KPNA4: variants seen among roughly 807,000 people sequenced by gnomAD.
KPNA4 encodes the protein importin subunit alpha-3.
Under a neutral mutation model 71.3 loss-of-function variants are expected in KPNA4, and 13 were observed. The observed-to-expected ratio is 0.18, with a 90% CI of 0.12 to 0.29. The LOEUF is 0.29. Among genes scored for constraint, KPNA4 ranks in the 10% least tolerant of loss-of-function variants. The pLI, the probability that KPNA4 is intolerant of heterozygous loss-of-function variation, is 1.00. For missense variants in KPNA4, 334 were observed against 603.2 expected, an observed-to-expected ratio of 0.55 and a Z score of 4.67; for synonymous variants, 189 against 195.2, an observed-to-expected ratio of 0.97 and a Z score of 0.26.
chr3:160,557,697 G>A (rs1308250990), intron 1 of KPNA4, among the ~76,000 whole-genome samples: 2 of 152,130 alleles, frequency 1.3e-5, no homozygotes, highest in East Asian at 3.9e-4. Context: ...TATCTGAGAT[G>A]AGACCTCATT....
chr3:160,534,793 T>C (rs1721652444), intron 5 of KPNA4, among the ~76,000 whole-genome samples: 1 of 148,552 alleles, frequency 6.7e-6, no homozygotes, highest in Non-Finnish European at 1.5e-5. Flanking sequence ...GTGTATGCAG[T>C]CATTAATCTC....
At chr3:160,551,234 C>T (rs1722034865) in intron 1 of KPNA4, among the ~76,000 whole-genome samples, 1 of 152,198 alleles carries the variant, frequency 6.6e-6, no homozygotes, top group South Asian at 2.1e-4. Context: ...TTATCCATTT[C>T]ATCTAGGTTA....
chr3:160,536,875 C>A, intron 1 of KPNA4, 35 bp from the exon 2 acceptor site: 1 of 1,259,738 alleles, frequency 7.9e-7, no homozygotes, highest in South Asian at 1.2e-5. Context: ...TTTTTAAAAT[C>A]ACCTCAAATT....
chr3:160,539,067 A>C (rs1239187179), intron 1 of KPNA4, among the ~76,000 whole-genome samples: 2 of 152,026 alleles, frequency 1.3e-5, no homozygotes, highest in African/African-American at 2.4e-5. Context: ...CTATTTCCTC[A>C]GTTTGGAATG....
intron 1 of KPNA4, among the ~76,000 whole-genome samples, chr3:160,559,237 A>G (rs1424677822): frequency 6.6e-6 from 1 of 152,210 alleles, no homozygotes; most frequent in Non-Finnish European, 1.5e-5. Flanking sequence ...TGCTAATGAT[A>G]AAATTTCAGC....
intron 1 of KPNA4, among the ~76,000 whole-genome samples, chr3:160,551,838 G>A (rs1031289505): frequency 2.7e-5 from 4 of 149,966 alleles, no homozygotes; most frequent in Non-Finnish European, 5.9e-5. Context: ...GTTCTGGGAA[G>A]TTTACTGAAG....
intron 1 of KPNA4, among the ~76,000 whole-genome samples, chr3:160,546,804 T>TA (rs977082878): frequency 2.0e-5 from 3 of 152,168 alleles, no homozygotes; most frequent in African/African-American, 7.2e-5. Flanking sequence ...ACTCAAGACT[T>TA]AGAGCTTCTA....
At chr3:160,542,726 A>G (rs890174613) in intron 1 of KPNA4, among the ~76,000 whole-genome samples, 6 of 152,128 alleles carry the variant, frequency 3.9e-5, no homozygotes, top group Non-Finnish European at 5.9e-5. Flanking sequence ...TATCTCTTTA[A>G]GAAGTGATAA....
At chr3:160,538,542 G>C (rs538190501) in intron 1 of KPNA4, among the ~76,000 whole-genome samples, 1 of 152,126 alleles carries the variant, frequency 6.6e-6, no homozygotes. Flanking sequence ...AAAGGTCCAA[G>C]GAATCAGTAA....
At chr3:160,524,817 T>A (rs771265271) in intron 10 of KPNA4, among the ~76,000 whole-genome samples, 1 of 152,262 alleles carries the variant, frequency 6.6e-6, no homozygotes, top group South Asian at 2.1e-4. Flanking sequence ...ATGAATTTTA[T>A]ATATTATGTC....
At chr3:160,536,696 C>G (rs41272965) in intron 2 of KPNA4, 100 bp downstream of exon 2, 1 of 619,876 alleles carries the variant, frequency 1.6e-6, no homozygotes, top group Non-Finnish European at 2.7e-6. Flanking sequence ...ATAGGTTATA[C>G]ATTTTACCTA....
intron 1 of KPNA4, among the ~76,000 whole-genome samples, chr3:160,557,669 C>T (rs979847875): frequency 6.6e-6 from 1 of 152,042 alleles, no homozygotes; most frequent in African/African-American, 2.4e-5. Context: ...AATAAGTCAG[C>T]ATTTAAAAAT....
chr3:160,554,728 T>C (rs1722103762), intron 1 of KPNA4, among the ~76,000 whole-genome samples: 1 of 152,226 alleles, frequency 6.6e-6, no homozygotes. Flanking sequence ...CAATCATGCC[T>C]ACATTATGAA....
intron 1 of KPNA4, among the ~76,000 whole-genome samples, chr3:160,563,282 T>A (rs1229790700): frequency 6.6e-6 from 1 of 152,190 alleles, no homozygotes; most frequent in East Asian, 1.9e-4. Context: ...AAGAAGCCAG[T>A]TAAAAAAGAG....
chr3:160,530,969 A>G (rs1721563637), intron 6 of KPNA4, 29 bp from the exon 7 acceptor site: 2 of 1,518,834 alleles, frequency 1.3e-6, no homozygotes, highest in Non-Finnish European at 1.8e-6. Context: ...ATTTTTAAAC[A>G]GCAGGGATTT....
intron 10 of KPNA4, among the ~76,000 whole-genome samples, chr3:160,522,994 T>C (rs913077171): frequency 1.3e-5 from 2 of 152,136 alleles, no homozygotes; most frequent in African/African-American, 4.8e-5. Flanking sequence ...TCCTAGTACG[T>C]TAGGTCCTAA....
In KPNA4 at chr3:160,565,494, CAA is replaced by C. The variant is rs1202612949; in HGVS notation, c.-214_-213del. Reference sequence around the variant, plus strand: ...AACCCCAGCGCGACTGCAGCTCCGGCAAAGACAACTGTGGGGCCGGGCGGCGG... The same window carrying C: ...AACCCCAGCGCGACTGCAGCTCCGGCAGACAACTGTGGGGCCGGGCGGCGG... On this transcript the variant is annotated 5_prime_UTR_variant, in exon 1 of 17. Transcript: ENST00000334256. The C allele has an allele frequency of 3.6e-6, 2 of 558,126 alleles. No homozygotes were observed. Among genetic ancestry groups the C allele is most frequent in the East Asian group, 6.4e-5 (2 of 31,056 alleles). The allele number at this position is 558,126 out of a possible 1,614,324, so 34.6% of individuals were successfully genotyped here.
In KPNA4 at chr3:160,508,167, T is replaced by C. The variant is rs1210914422; in HGVS notation, c.1312A>G (p.Ile438Val). Residue 438 changes from isoleucine (I) to valine (V), a missense_variant, in exon 15 of 17, where the codon ATA becomes GTA. Coordinates refer to ENST00000334256, the MANE Select transcript of KPNA4 (RefSeq NM_002268.5). ...VQVVLDGLSN[I>V]LKMAEDEAET... The stretch of plus-strand genomic sequence containing the variant: ...GCCTCATCTTCAGCCATTTTTAATA[T>C]ATTACTTAGTCCATCGAGTACTACT... The C allele has an allele frequency of 6.2e-7, 1 of 1,612,048 alleles. No individual in the cohort carries two copies. The highest frequency in any genetic ancestry group is 8.5e-7 in the Non-Finnish European group (1 of 1,179,238).
intron 15 of KPNA4, among the ~76,000 whole-genome samples, chr3:160,506,489 G>A (rs1051963956): frequency 5.9e-5 from 9 of 151,866 alleles, no homozygotes; most frequent in African/African-American, 2.2e-4. Context: ...TTTCTTAACT[G>A]GTCTCTTCCT....
Sources: allele counts gnomAD v4.1 joint callset (sites outside exome capture counted in the v4.1 genomes callset), GRCh38; gene constraint gnomAD v4.1.1; transcripts MANE v1.5; gene names NCBI Gene and HGNC (gene_info 2026-07-23, HGNC 2026-07-21).